Variants in SYN3 observed in about 807,000 individuals in gnomAD.
SYN3 encodes synapsin-3.
A neutral mutation model predicts 65.8 loss-of-function variants in SYN3; 35 were observed. The observed-to-expected ratio is 0.53, with a 90% CI of 0.41 to 0.70. SYN3 has a LOEUF of 0.70. Among genes scored for constraint, SYN3 ranks in the 30% least tolerant of loss-of-function variants. The probability of loss-of-function intolerance (pLI) is 0.00; values close to 1 mark genes in which losing one functional copy is unlikely to be tolerated. For synonymous variants in SYN3, 270 were observed against 292.9 expected (o/e 0.92, Z 0.80); for missense variants, 680 against 749.0 (o/e 0.91, Z 1.08).
intron 6 of SYN3, among the ~76,000 whole-genome samples, chr22:32,799,991 G>C (rs1602176521): frequency 6.6e-6 from 1 of 152,314 alleles, no homozygotes; most frequent in Non-Finnish European, 1.5e-5. Context: ...AGGCAGGGAA[G>C]GTTTTTAAAG....
chr22:32,659,957 C>G (rs1422324534), intron 6 of SYN3, among the ~76,000 whole-genome samples: 2 of 152,192 alleles, frequency 1.3e-5, no homozygotes, highest in African/African-American at 2.4e-5. Context: ...TTTCCAGAAT[C>G]TTTACTTCCG....
intron 6 of SYN3, among the ~76,000 whole-genome samples, chr22:32,623,439 T>C (rs2146764012): frequency 6.6e-6 from 1 of 152,260 alleles, no homozygotes; most frequent in South Asian, 2.1e-4. Flanking sequence ...CAAGTGATCC[T>C]CCCATCTCGG....
chr22:32,636,401 C>CA (rs57388108), intron 6 of SYN3, among the ~76,000 whole-genome samples: 335 of 101,538 alleles, frequency 3.3e-3, no homozygotes, highest in East Asian at 0.013. Flanking sequence ...GACTCCATCT[C>CA]AAAAAAAAAA....
At chr22:32,619,388 C>T (rs2059564729) in intron 6 of SYN3, among the ~76,000 whole-genome samples, 1 of 152,088 alleles carries the variant, frequency 6.6e-6, no homozygotes, top group Admixed American at 6.6e-5. Flanking sequence ...GGAGTTCCAC[C>T]CCTGTTCTGA....
In SYN3 at chr22:32,931,407, A is replaced by G. The variant is rs375935718; in HGVS notation, c.444T>C (p.Asn148=). Residue 148 remains asparagine, a synonymous_variant, in exon 4 of 14, where the codon AAT becomes AAC. Coordinates refer to ENST00000358763, the MANE Select transcript of SYN3 (RefSeq NM_003490.4). ...CTACTTACCTCACCACTTTGGTCCC[A>G]TTTCTCACGACCTGCATGTCCACCA... ...GCMVDMQVVR[N]GTKVVSRSFK... is the part of the protein sequence containing the mutation. 9 of 1,613,284 alleles carry G rather than the reference A, an allele frequency of 5.6e-6. No individual in the cohort carries two copies. In the African/African-American group the frequency reaches 9.3e-5, roughly 17 times the overall value.
intron 6 of SYN3, among the ~76,000 whole-genome samples, chr22:32,750,681 G>C (rs776171347): frequency 4.6e-4 from 70 of 152,240 alleles, no homozygotes; most frequent in Non-Finnish European, 7.8e-4. Context: ...AAGCCAGCTA[G>C]AAGGTGGCTG....
intron 3 of SYN3, among the ~76,000 whole-genome samples, chr22:32,937,948 G>A (rs967854823): frequency 2.0e-5 from 3 of 151,992 alleles, no homozygotes; most frequent in African/African-American, 7.3e-5. Flanking sequence ...GAAGAGGTAG[G>A]GACAGAAAAT....
At chr22:32,559,786 C>T (rs888682096) in intron 7 of SYN3, among the ~76,000 whole-genome samples, 5 of 150,704 alleles carry the variant, frequency 3.3e-5, no homozygotes, top group African/African-American at 9.8e-5. Context: ...GCCCAGATAG[C>T]GCCACTGCCC....
At chr22:33,050,491 A>C (rs1263822661) in intron 1 of SYN3, among the ~76,000 whole-genome samples, 3 of 150,252 alleles carry the variant, frequency 2.0e-5, no homozygotes, top group Admixed American at 6.6e-5. Context: ...AAAAAAAAAA[A>C]AAAAAAAACA....
At chr22:32,530,779 C>T (rs953391873) in intron 10 of SYN3, among the ~76,000 whole-genome samples, 3 of 151,676 alleles carry the variant, frequency 2.0e-5, no homozygotes, top group African/African-American at 4.8e-5. Context: ...CCGGGGCGGG[C>T]GGATCACGAG....
Position 32,556,830 on chromosome 22 carries a change from T to G in SYN3, c.775-15117A>C, listed in dbSNP as rs1330766179. Among the ~76,000 whole-genome samples, 263 of 128,656 alleles carry G rather than the reference T, an allele frequency of 2.0e-3. 5 individuals are homozygous for G. Among genetic ancestry groups the G allele is most frequent in the African/African-American group, 7.0e-3 (247 of 35,512 alleles). 84.4% of individuals were successfully genotyped at this position (128,656 alleles called of 152,430 possible). A position where few individuals can be genotyped will look rare whatever the true frequency, so the allele number is the denominator to read the frequency against. ...TTTTTTTTTTTTTTTTTTTTTTTTT[T>G]TTTTTGTGTGTAGAGATGGGGTCTT... On this transcript the variant is annotated intron_variant, in intron 7 of 13. Transcript: ENST00000358763.
intron 6 of SYN3, among the ~76,000 whole-genome samples, chr22:32,735,153 G>A (rs1178491293): frequency 6.6e-6 from 1 of 152,184 alleles, no homozygotes; most frequent in African/African-American, 2.4e-5. Context: ...CTCTGTGTGT[G>A]TTGAGGGGCA....
At position 32,513,112 on chromosome 22, in the gene SYN3, G is replaced by A. The variant is rs868659055; in HGVS notation, c.*580C>T. ...TGGCCTCAGGACCCCACTAGTGGCC[G>A]AGTGTGATGGGGGCCTTTGCCTGCC... On this transcript the variant is annotated 3_prime_UTR_variant, in exon 14 of 14. Transcript: ENST00000358763. The A allele has an allele frequency of 4.6e-5, 7 of 152,552 alleles. No homozygotes were observed. Among genetic ancestry groups the A allele is most frequent in the Admixed American group, 1.3e-4 (2 of 15,266 alleles). The allele number at this position is 152,552 out of a possible 1,614,324, so 9.4% of individuals were successfully genotyped here. A position where few individuals can be genotyped will look rare whatever the true frequency, so the allele number is the denominator to read the frequency against.
chr22:32,912,592 G>A (rs1157041461), intron 4 of SYN3, among the ~76,000 whole-genome samples: 1 of 152,054 alleles, frequency 6.6e-6, no homozygotes, highest in Non-Finnish European at 1.5e-5. Flanking sequence ...GTGGTGGCAT[G>A]CACCTGTAGG....
intron 6 of SYN3, among the ~76,000 whole-genome samples, chr22:32,740,727 C>A (rs1602029706): frequency 6.6e-6 from 1 of 152,162 alleles, no homozygotes; most frequent in African/African-American, 2.4e-5. Context: ...GATTTGAGTT[C>A]AGTTCAAGAA....
At chr22:32,555,841 G>A (rs9606982) in intron 7 of SYN3, among the ~76,000 whole-genome samples, 3,687 of 152,220 alleles carry the variant, frequency 0.024, 82 homozygotes, top group Admixed American at 0.043. Context: ...GAAACTAGTC[G>A]GATGGGGTCA....
chr22:32,860,918 T>G (rs1284978646), intron 6 of SYN3: 1 of 151,186 alleles, frequency 6.6e-6, no homozygotes, highest in African/African-American at 2.4e-5. Flanking sequence ...GTTGTGTTTT[T>G]TTTTTTTTTT....
In SYN3 at chr22:32,657,345, G is replaced by A. The variant is rs2060156290; in HGVS notation, c.712-60609C>T. On this transcript the variant is annotated intron_variant, in intron 6 of 13. Coordinates refer to ENST00000358763, the MANE Select transcript of SYN3 (RefSeq NM_003490.4). ...TCACCATGTTAGCCAGGATGGTCTC[G>A]ATCTACTGACATTGTGATCCACCCT... 4.6e-5 allele frequency among the ~76,000 whole-genome samples: 7 copies of A among 151,754 alleles called. No individual in the cohort carries two copies. The South Asian group carries it at 1.5e-3, about 32-fold the overall frequency.
intron 6 of SYN3, among the ~76,000 whole-genome samples, chr22:32,681,328 T>C (rs2060519914): frequency 6.6e-6 from 1 of 152,206 alleles, no homozygotes; most frequent in South Asian, 2.1e-4. Context: ...GCCAAATGGC[T>C]TGCCTGGCAG....
Sources: allele counts gnomAD v4.1 joint callset (sites outside exome capture counted in the v4.1 genomes callset), GRCh38; gene constraint gnomAD v4.1.1; transcripts MANE v1.5; gene names NCBI Gene and HGNC (gene_info 2026-07-23, HGNC 2026-07-21).